The following PTPRG variants were observed in gnomAD, a reference collection of about 807,000 sequenced individuals.
PTPRG encodes the protein protein tyrosine phosphatase receptor type G.
In PTPRG, 102 loss-of-function variants were observed where a neutral mutation model predicts 165.3. That is an observed-to-expected ratio of 0.62 (90% CI 0.53 to 0.73). The LOEUF is 0.73. Among genes scored for constraint, PTPRG ranks in the 30% least tolerant of loss-of-function variants. PTPRG has a pLI of 0.00. For synonymous variants in PTPRG, 675 were observed against 669.5 expected, an observed-to-expected ratio of 1.01 and a Z score of -0.13; for missense variants, 1,866 against 1,861.4, an observed-to-expected ratio of 1.00 and a Z score of -0.05.
chr3:61,792,716 CTTTCTTTCTTTCTTTCTT>C (rs2034921380), intron 2 of PTPRG, among the ~76,000 whole-genome samples: 1 of 102,664 alleles, frequency 9.7e-6, no homozygotes, highest in Admixed American at 9.4e-5. Flanking sequence ...TTCTTTCTTT[CTTTCTTTCTTTCTTTCTT>C]TCTTTCTTTC....
At chr3:61,663,657 G>T (rs1702730043) in intron 1 of PTPRG, among the ~76,000 whole-genome samples, 1 of 152,052 alleles carries the variant, frequency 6.6e-6, no homozygotes, top group Non-Finnish European at 1.5e-5. Context: ...TAATTATACA[G>T]TTCACCAAAC....
At chr3:61,726,579 A>G (rs1159012500) in intron 1 of PTPRG, among the ~76,000 whole-genome samples, 1 of 152,222 alleles carries the variant, frequency 6.6e-6, no homozygotes, top group Non-Finnish European at 1.5e-5. Context: ...AATCCATTAA[A>G]CACTGCTGAT....
intron 2 of PTPRG, among the ~76,000 whole-genome samples, chr3:61,800,035 C>T (rs1401454513): frequency 6.6e-6 from 1 of 152,198 alleles, no homozygotes; most frequent in African/African-American, 2.4e-5. Context: ...GCCTCACTTT[C>T]TTCATCTATC....
intron 1 of PTPRG, among the ~76,000 whole-genome samples, chr3:61,580,051 C>T (rs1257970386): frequency 6.6e-6 from 1 of 152,072 alleles, no homozygotes; most frequent in Non-Finnish European, 1.5e-5. Flanking sequence ...GCATAAGATG[C>T]ATGTAGATAC....
rs545204914 is a variant in PTPRG at position 62,252,038 on chromosome 3, A to G, written c.2468-3086A>G. Among the ~76,000 whole-genome samples, 1 of 152,242 alleles carries G rather than the reference A, an allele frequency of 6.6e-6. No homozygotes were observed. The highest frequency in any genetic ancestry group is 1.5e-5 in the Non-Finnish European group (1 of 68,014). ...ATCCTGCTTTTGTTATACCATAATA[A>G]TCTCTCATTTAATCTGTTGTCAGTG... is the stretch of plus-strand genomic sequence containing the variant. On this transcript the variant is annotated intron_variant, in intron 15 of 29. Transcript: ENST00000474889. The surrounding 1 kb of genome is among the most constrained non-coding windows in gnomAD (Gnocchi z 4.6).
At chr3:61,650,568 A>G (rs1702322885) in intron 1 of PTPRG, among the ~76,000 whole-genome samples, 1 of 152,214 alleles carries the variant, frequency 6.6e-6, no homozygotes, top group Admixed American at 6.5e-5. Flanking sequence ...CCTCAGGATG[A>G]TAACTGAGTA....
Position 62,276,977 on chromosome 3 carries a change from C to T in PTPRG, c.3565C>T (p.Arg1189Cys), listed in dbSNP as rs759368265. 17 of 1,612,334 alleles carry T rather than the reference C, an allele frequency of 1.1e-5. No homozygotes were observed. Among genetic ancestry groups the T allele is most frequent in the Non-Finnish European group, 1.4e-5 (17 of 1,178,938 alleles). The change falls in exon 25 of 30, where the codon CGT becomes TGT. Residue 1189 changes from arginine (R) to cysteine (C), a missense_variant. Coordinates refer to ENST00000474889, the MANE Select transcript of PTPRG (RefSeq NM_002841.4). ...TTGTTTTTTCCATATGATAGCTGAG[C>T]GTGCTCGAGTGGGTCTTGCACCATT... is the stretch of plus-strand genomic sequence containing the variant. ...NRNSSVVPSERARVGLAPLPG... is the reference protein window; with the variant it reads ...NRNSSVVPSECARVGLAPLPG...
intron 5 of PTPRG, among the ~76,000 whole-genome samples, chr3:62,088,025 T>C (rs568260642): frequency 3.3e-5 from 5 of 152,278 alleles, no homozygotes; most frequent in African/African-American, 1.2e-4. Context: ...GTAAGCATAG[T>C]GTGAGTGAAT....
intron 1 of PTPRG, among the ~76,000 whole-genome samples, chr3:61,634,565 A>G (rs898572718): frequency 6.6e-6 from 1 of 151,610 alleles, no homozygotes; most frequent in Admixed American, 6.6e-5. Context: ...TTTTTAAACC[A>G]TGAAGTTGTG....
At chr3:61,663,328 T>A (rs1290610770) in intron 1 of PTPRG, among the ~76,000 whole-genome samples, 1 of 152,160 alleles carries the variant, frequency 6.6e-6, no homozygotes. Flanking sequence ...ACGTGGAAGG[T>A]TCTCAGTAGG....
At chr3:62,174,685 C>T (rs1289691137) in intron 8 of PTPRG, among the ~76,000 whole-genome samples, 3 of 152,164 alleles carry the variant, frequency 2.0e-5, no homozygotes, top group Non-Finnish European at 4.4e-5. Flanking sequence ...TGGTTTTCTG[C>T]TATTTTGGGA....
chr3:61,768,115 G>T (rs780177816), intron 2 of PTPRG, among the ~76,000 whole-genome samples: 1 of 151,908 alleles, frequency 6.6e-6, no homozygotes, highest in African/African-American at 2.4e-5. Flanking sequence ...TAAAATACTA[G>T]TCATAAATGC....
At chr3:61,810,017 G>A (rs989862780) in intron 2 of PTPRG, among the ~76,000 whole-genome samples, 1 of 152,214 alleles carries the variant, frequency 6.6e-6, no homozygotes, top group Non-Finnish European at 1.5e-5. Context: ...GGGGGGCTGG[G>A]AAACTGTTTA....
intron 4 of PTPRG, among the ~76,000 whole-genome samples, chr3:62,047,995 C>A (rs186138127): frequency 1.3e-5 from 2 of 152,056 alleles, no homozygotes; most frequent in Non-Finnish European, 2.9e-5. Flanking sequence ...AGTAACCTGG[C>A]GCTCCATTAA....
intron 4 of PTPRG, among the ~76,000 whole-genome samples, chr3:62,030,050 A>G (rs1012475110): frequency 6.6e-6 from 1 of 152,202 alleles, no homozygotes; most frequent in Non-Finnish European, 1.5e-5. Context: ...ATTTGCCTCT[A>G]TCATTTGTGT....
chr3:61,971,004 G>A lies in PTPRG; in HGVS notation c.191-18621G>A, dbSNP rs78285364. Among the ~76,000 whole-genome samples, 2,226 of 152,210 alleles carry A rather than the reference G, an allele frequency of 0.015. 145 individuals are homozygous for A. The East Asian group carries it at 0.2, about 14-fold the overall frequency. On this transcript the variant is annotated intron_variant, in intron 2 of 29. Coordinates refer to ENST00000474889, the MANE Select transcript of PTPRG (RefSeq NM_002841.4). ...TTCTCTATTCTGTCAATATTTCATTGATGCCCCAGTGTGGTTTGAATATTA... is the reference window on the plus strand; with the variant it reads ...TTCTCTATTCTGTCAATATTTCATTAATGCCCCAGTGTGGTTTGAATATTA...
At chr3:61,817,025 A>G (rs1292373886) in intron 2 of PTPRG, among the ~76,000 whole-genome samples, 1 of 122,650 alleles carries the variant, frequency 8.2e-6, no homozygotes, top group African/African-American at 2.9e-5. Flanking sequence ...ATACTATATA[A>G]TATATAGTAT....
chr3:61,873,072 A>G (rs1016063077), intron 2 of PTPRG, among the ~76,000 whole-genome samples: 1 of 152,114 alleles, frequency 6.6e-6, no homozygotes, highest in Non-Finnish European at 1.5e-5. Flanking sequence ...AAATTGGTAG[A>G]ACCATTTTGG....
At chr3:62,268,922 G>C (rs1284937764) in intron 19 of PTPRG, 113 bp from the exon 20 acceptor site, 2 of 1,205,718 alleles carry the variant, frequency 1.7e-6, no homozygotes, top group Non-Finnish European at 2.2e-6. Flanking sequence ...TCCTTTTTCA[G>C]TCAACTAAAT....
Sources: allele counts gnomAD v4.1 joint callset (sites outside exome capture counted in the v4.1 genomes callset), GRCh38; gene constraint gnomAD v4.1.1; non-coding constraint Gnocchi (gnomAD v3.1); transcripts MANE v1.5; gene names NCBI Gene and HGNC (gene_info 2026-07-23, HGNC 2026-07-21).